Variants in PYGO1 observed in about 807,000 individuals in gnomAD.
PYGO1 encodes the protein pygopus family PHD finger 1.
In PYGO1, 6 loss-of-function variants were observed where a neutral mutation model predicts 29.5. The observed-to-expected ratio is 0.20, with a 90% CI of 0.11 to 0.40. PYGO1 has a LOEUF of 0.40. PYGO1 is among the 10% of genes least tolerant of loss of function. PYGO1 has a pLI of 1.00. For missense variants in PYGO1, 515 were observed against 514.9 expected (o/e 1.00, Z 0.00); for synonymous variants, 186 against 180.5 (o/e 1.03, Z -0.24).
chr15:55,570,947 T>C (rs920129237), intron 1 of PYGO1, among the ~76,000 whole-genome samples: 1 of 152,192 alleles, frequency 6.6e-6, no homozygotes, highest in Non-Finnish European at 1.5e-5. Context: ...TATATTCACA[T>C]TACTGCATAA....
intron 1 of PYGO1, among the ~76,000 whole-genome samples, chr15:55,566,287 T>C (rs1177816989): frequency 6.6e-6 from 1 of 152,078 alleles, no homozygotes; most frequent in Non-Finnish European, 1.5e-5. Flanking sequence ...GAGTAACCAA[T>C]GTTTAGCTCC....
chr15:55,549,895 C>T (rs969329513), intron 1 of PYGO1, among the ~76,000 whole-genome samples: 8 of 152,172 alleles, frequency 5.3e-5, no homozygotes, highest in African/African-American at 9.7e-5. Flanking sequence ...ACCATCACAT[C>T]TCATCTTGTG....
At position 55,546,911 on chromosome 15, in the gene PYGO1, G is replaced by C; in HGVS notation, c.372C>G (p.Leu124=). The change falls in exon 3 of 3, where the codon CTC becomes CTG. Residue 124 remains leucine (L), a synonymous_variant. Transcript: ENST00000563719. Reference sequence around the variant, plus strand: ...GAGGAAATGGGTGTGGCTGGTTCCTGAGTGAGTAAGGACCACAGTATGGGG... The same window carrying C: ...GAGGAAATGGGTGTGGCTGGTTCCTCAGTGAGTAAGGACCACAGTATGGGG... ...MSSPYCGPYS[L]RNQPHPFPQN... is the part of the protein sequence containing the mutation. The C allele has an allele frequency of 6.2e-7, 1 of 1,614,168 alleles. No individual in the cohort carries two copies. Among genetic ancestry groups the C allele is most frequent in the Non-Finnish European group, 8.5e-7 (1 of 1,180,028 alleles).
chr15:55,578,075 C>T (rs494616), intron 1 of PYGO1, among the ~76,000 whole-genome samples: 147,805 of 152,304 alleles, frequency 0.97, 71,767 homozygotes, highest in African/African-American at 0.99. Flanking sequence ...AGACATTTCA[C>T]ATAAATGGAA....
chr15:55,568,720 C>G (rs1898735), intron 1 of PYGO1, among the ~76,000 whole-genome samples: 136,825 of 152,128 alleles, frequency 0.9, 62,256 homozygotes, highest in Non-Finnish European at 0.97. Context: ...GATGCTGGCT[C>G]TGGGTTTGTC....
At chr15:55,587,552 G>T (rs941332226) in intron 1 of PYGO1, among the ~76,000 whole-genome samples, 1 of 151,996 alleles carries the variant, frequency 6.6e-6, no homozygotes, top group South Asian at 2.1e-4. Flanking sequence ...TCTTGAGAAC[G>T]AGGAGAGGTG....
At chr15:55,562,901 CAA>C (rs2058939147) in intron 1 of PYGO1, among the ~76,000 whole-genome samples, 1 of 151,894 alleles carries the variant, frequency 6.6e-6, no homozygotes, top group Non-Finnish European at 1.5e-5. Flanking sequence ...AAACCAAAAA[CAA>C]AACACCACAT....
At position 55,588,041 on chromosome 15, in the gene PYGO1, C is replaced by T; in HGVS notation, c.-158G>A. The T allele has an allele frequency of 8.4e-7, 1 of 1,192,562 alleles. No homozygotes were observed. Among genetic ancestry groups the T allele is most frequent in the Non-Finnish European group, 1.0e-6 (1 of 959,576 alleles). The allele number at this position is 1,192,562 out of a possible 1,614,324, so 73.9% of individuals were successfully genotyped here. On this transcript the variant is annotated 5_prime_UTR_variant, in exon 1 of 3. Transcript: ENST00000563719. ...GCGGTGGGGACGCGGGCCGACTTTG[C>T]AAAGTTTGGGAGGAGGACGAGGCCT...
intron 1 of PYGO1, among the ~76,000 whole-genome samples, chr15:55,550,691 C>T (rs181829614): frequency 1.3e-5 from 2 of 152,254 alleles, no homozygotes; most frequent in African/African-American, 2.4e-5. Context: ...GGTTTTTCAA[C>T]ACCTGTTTAA....
intron 1 of PYGO1, among the ~76,000 whole-genome samples, chr15:55,560,949 T>C (rs2058930321): frequency 6.6e-6 from 1 of 151,952 alleles, no homozygotes; most frequent in African/African-American, 2.4e-5. Context: ...CAAGACTCTA[T>C]CTCAAAAACA....
Position 55,587,865 on chromosome 15 carries a change from T to C in PYGO1, c.19A>G (p.Lys7Glu). ...ACTCTCTTCAGCGAAATGGGATCCT[T>C]CTCCTGTTCTGCTGACATTACAGAC... MSAEQE[K>E]DPISLKRVRG... Residue 7 changes from lysine to glutamate, a missense_variant, in exon 1 of 3, where the codon AAG becomes GAG. Physicochemically the swap from Lys to Glu is moderately conservative, Grantham distance 56. Transcript: ENST00000563719. The C allele has an allele frequency of 6.7e-7, 1 of 1,494,262 alleles. No homozygotes were observed. 92.6% of individuals were successfully genotyped at this position (1,494,262 alleles called of 1,614,324 possible).
At chr15:55,568,239 C>T (rs983865907) in intron 1 of PYGO1, among the ~76,000 whole-genome samples, 1 of 150,920 alleles carries the variant, frequency 6.6e-6, no homozygotes, top group Non-Finnish European at 1.5e-5. Context: ...TTTGTGTCAT[C>T]TATGATTTAT....
chr15:55,551,099 C>G (rs568440607), intron 1 of PYGO1, among the ~76,000 whole-genome samples: 1 of 152,322 alleles, frequency 6.6e-6, no homozygotes, highest in East Asian at 1.9e-4. Context: ...GTAATGCTCG[C>G]TCACCCGCCA....
chr15:55,569,534 T>C lies in PYGO1; in HGVS notation c.49+18301A>G, dbSNP rs1243779555. Among the ~76,000 whole-genome samples the C allele has an allele frequency of 2.6e-5, 4 of 152,356 alleles. No homozygotes were observed. The East Asian group carries it at 7.7e-4, about 29-fold the overall frequency. On this transcript the variant is annotated intron_variant, in intron 1 of 2. Transcript: ENST00000563719. The stretch of plus-strand genomic sequence containing the variant: ...TTTTAAATTTCTGCCTTGATTTCAT[T>C]ACCCAGATGTCATTTCATTACCCAA...
At chr15:55,583,110 C>T (rs983643467) in intron 1 of PYGO1, among the ~76,000 whole-genome samples, 1 of 152,130 alleles carries the variant, frequency 6.6e-6, no homozygotes, top group South Asian at 2.1e-4. Flanking sequence ...CTCTTTTTCT[C>T]CAAGACTAAA....
Position 55,581,697 on chromosome 15 carries a change from T to A in PYGO1, c.49+6138A>T, listed in dbSNP as rs1003800294. On this transcript the variant is annotated intron_variant, in intron 1 of 2. Coordinates refer to ENST00000563719, the MANE Select transcript of PYGO1 (RefSeq NM_001367806.1). ...CAACAATAATATCTAATTCACATAT[T>A]TACTGAGAGGATTAAGCAGGAAGAT... Among the ~76,000 whole-genome samples, 22 of 152,136 alleles carry A rather than the reference T, an allele frequency of 1.4e-4. 1 individual carries two copies. The highest frequency in any genetic ancestry group is 4.8e-4 in the African/African-American group (20 of 41,432).
Position 55,545,088 on chromosome 15 carries a change from C to T in PYGO1, c.*935G>A, listed in dbSNP as rs973035665. The T allele has an allele frequency of 6.6e-6, 1 of 151,202 alleles. No homozygotes were observed. Among genetic ancestry groups the T allele is most frequent in the Non-Finnish European group, 1.5e-5 (1 of 67,582 alleles). 9.4% of individuals were successfully genotyped at this position (151,202 alleles called of 1,614,324 possible). On this transcript the variant is annotated 3_prime_UTR_variant, in exon 3 of 3. Transcript: ENST00000563719. Reference sequence around the variant, plus strand: ...GATCCCCAGAACAAGATTTTTCAAACCACCACTGAGTAGTTCTTTTACTAG... The same window carrying T: ...GATCCCCAGAACAAGATTTTTCAAATCACCACTGAGTAGTTCTTTTACTAG...
chr15:55,570,193 G>A (rs766533558), intron 1 of PYGO1, among the ~76,000 whole-genome samples: 6 of 152,060 alleles, frequency 3.9e-5, no homozygotes, highest in Non-Finnish European at 8.8e-5. Flanking sequence ...CTCCTCTCTG[G>A]GATTGAGGGT....
At chr15:55,586,074 G>A (rs2059045029) in intron 1 of PYGO1, among the ~76,000 whole-genome samples, 2 of 152,182 alleles carry the variant, frequency 1.3e-5, no homozygotes, top group Admixed American at 6.5e-5. Flanking sequence ...TTTGGATTGT[G>A]TGTCACAAGC....
Sources: allele counts gnomAD v4.1 joint callset (sites outside exome capture counted in the v4.1 genomes callset), GRCh38; gene constraint gnomAD v4.1.1; transcripts MANE v1.5; gene names NCBI Gene and HGNC (gene_info 2026-07-23, HGNC 2026-07-21).